GABRG3: variants seen among roughly 807,000 people sequenced by gnomAD.
The protein encoded by GABRG3 is gamma-aminobutyric acid type A receptor subunit gamma3.
In GABRG3, 25 loss-of-function variants were observed where a neutral mutation model predicts 48.8. That is an observed-to-expected ratio of 0.51 (90% CI 0.37 to 0.72). GABRG3 has a LOEUF of 0.72. Among genes scored for constraint, GABRG3 ranks in the 30% least tolerant of loss-of-function variants. GABRG3 has a pLI of 0.00. For synonymous variants in GABRG3, 227 were observed against 217.6 expected, an observed-to-expected ratio of 1.04 and a Z score of -0.38; for missense variants, 394 against 577.9, an observed-to-expected ratio of 0.68 and a Z score of 3.26.
At chr15:27,262,826 TA>T (rs901713117) in intron 3 of GABRG3, among the ~76,000 whole-genome samples, 4 of 152,254 alleles carry the variant, frequency 2.6e-5, no homozygotes, top group African/African-American at 9.6e-5. Flanking sequence ...TACATTTTTT[TA>T]AATCAGCAAA....
intron 3 of GABRG3, among the ~76,000 whole-genome samples, chr15:27,219,402 A>C (rs538404272): frequency 6.6e-6 from 1 of 152,260 alleles, no homozygotes; most frequent in South Asian, 2.1e-4. Flanking sequence ...GATAACCTCC[A>C]TTCCCTTTAT....
intron 3 of GABRG3, among the ~76,000 whole-genome samples, chr15:27,160,257 G>A (rs896100093): frequency 6.6e-6 from 1 of 152,140 alleles, no homozygotes; most frequent in Admixed American, 6.5e-5. Flanking sequence ...CTGCTTGTGG[G>A]TGAGTTCTGG....
At chr15:27,243,255 T>A (rs1890181748) in intron 3 of GABRG3, among the ~76,000 whole-genome samples, 1 of 152,200 alleles carries the variant, frequency 6.6e-6, no homozygotes, top group Non-Finnish European at 1.5e-5. Flanking sequence ...GAAGACACTC[T>A]AATGTTACCA....
chr15:27,433,179 T>C (rs747247194), intron 5 of GABRG3, among the ~76,000 whole-genome samples: 3 of 152,238 alleles, frequency 2.0e-5, no homozygotes, highest in South Asian at 4.1e-4. Context: ...AAAATGCTTC[T>C]AGTTTTTGCC....
At chr15:27,139,236 G>A (rs1233139116) in intron 3 of GABRG3, among the ~76,000 whole-genome samples, 1 of 152,172 alleles carries the variant, frequency 6.6e-6, no homozygotes, top group Admixed American at 6.5e-5. Flanking sequence ...TCAGTCCAAG[G>A]CCGCAGGCTT....
At chr15:27,092,292 T>G (rs547641195) in intron 3 of GABRG3, among the ~76,000 whole-genome samples, 1 of 152,332 alleles carries the variant, frequency 6.6e-6, no homozygotes, top group South Asian at 2.1e-4. Context: ...TCTCCCAGAT[T>G]TGAGTCTTAT....
chr15:27,488,138 C>A (rs1890264560), intron 6 of GABRG3, among the ~76,000 whole-genome samples: 1 of 152,160 alleles, frequency 6.6e-6, no homozygotes, highest in South Asian at 2.1e-4. Context: ...AGCGCTCATG[C>A]CACACTCCCA....
intron 3 of GABRG3, among the ~76,000 whole-genome samples, chr15:27,029,943 T>G (rs1050892794): frequency 4.6e-5 from 7 of 152,208 alleles, no homozygotes; most frequent in Non-Finnish European, 1.0e-4. Context: ...ATAGACCCGC[T>G]ATATCTGTGC....
At chr15:27,210,506 G>GCACACACA (rs1889042404) in intron 3 of GABRG3, among the ~76,000 whole-genome samples, 1 of 152,042 alleles carries the variant, frequency 6.6e-6, no homozygotes, top group African/African-American at 2.4e-5. Context: ...ATGCACACAC[G>GCACACACA]CGTGCTCACA....
intron 3 of GABRG3, among the ~76,000 whole-genome samples, chr15:27,241,027 C>T (rs1890114525): frequency 6.6e-6 from 1 of 152,210 alleles, no homozygotes; most frequent in Non-Finnish European, 1.5e-5. Flanking sequence ...TCCCTTCCTG[C>T]CACCCTCAAC....
intron 3 of GABRG3, among the ~76,000 whole-genome samples, chr15:27,261,480 T>G (rs1007824654): frequency 6.6e-6 from 1 of 151,590 alleles, no homozygotes; most frequent in Non-Finnish European, 1.5e-5. Flanking sequence ...GCAGGGGTGC[T>G]GTTAATCCCC....
chr15:27,060,392 C>G (rs944545306), intron 3 of GABRG3, among the ~76,000 whole-genome samples: 1 of 152,232 alleles, frequency 6.6e-6, no homozygotes, highest in African/African-American at 2.4e-5. Context: ...GCTCCAGAAA[C>G]TGCTCTGGGA....
chr15:27,353,535 C>T (rs1033754131), intron 5 of GABRG3, among the ~76,000 whole-genome samples: 2 of 151,902 alleles, frequency 1.3e-5, no homozygotes, highest in Non-Finnish European at 2.9e-5. Flanking sequence ...CCCCTGCCTC[C>T]GGGGTTCAAG....
In GABRG3 at chr15:27,537,151, G is replaced by C. The variant is rs1891566307; in HGVS notation, c.*4270G>C. ...AAAAAAAAAAAAAAAAAAAAGAATG[G>C]CTTAAGCTCCACATAATCTGATGTA... On this transcript the variant is annotated 3_prime_UTR_variant, in exon 10 of 10. Coordinates refer to ENST00000615808, the MANE Select transcript of GABRG3 (RefSeq NM_033223.5). 1 of 150,586 alleles carries C rather than the reference G, an allele frequency of 6.6e-6. No homozygotes were observed. The highest frequency in any genetic ancestry group is 2.5e-5 in the African/African-American group (1 of 40,734). The allele number at this position is 150,586 out of a possible 1,614,324, so 9.3% of individuals were successfully genotyped here.
chr15:27,264,039 C>A (rs148318383), intron 3 of GABRG3, among the ~76,000 whole-genome samples: 1 of 151,972 alleles, frequency 6.6e-6, no homozygotes, highest in Non-Finnish European at 1.5e-5. Context: ...ATGGGAAGGG[C>A]CGCTCCCTTG....
intron 4 of GABRG3, among the ~76,000 whole-genome samples, chr15:27,328,225 A>G (rs1189962100): frequency 6.6e-6 from 1 of 152,158 alleles, no homozygotes; most frequent in Non-Finnish European, 1.5e-5. Context: ...TTGTAAAGCC[A>G]TACACCGGAG....
At chr15:27,220,198 A>AG (rs1480151051) in intron 3 of GABRG3, among the ~76,000 whole-genome samples, 1 of 152,186 alleles carries the variant, frequency 6.6e-6, no homozygotes, top group East Asian at 1.9e-4. Flanking sequence ...CAACACATGG[A>AG]GGTTGTACAT....
chr15:27,406,208 A>G (rs1332616492), intron 5 of GABRG3, among the ~76,000 whole-genome samples: 1 of 149,196 alleles, frequency 6.7e-6, no homozygotes. Flanking sequence ...ATGATTGAAC[A>G]TATAAATAAA....
intron 3 of GABRG3, among the ~76,000 whole-genome samples, chr15:27,099,082 T>C (rs1897313314): frequency 6.6e-6 from 1 of 151,652 alleles, no homozygotes; most frequent in South Asian, 2.1e-4. Context: ...ACGAAATGAG[T>C]TTTGCCAACA....
Sources: gnomAD v4.1 joint callset for allele counts (sites outside exome capture counted in the v4.1 genomes callset) on GRCh38, gnomAD v4.1.1 for gene constraint, MANE v1.5 for transcripts, NCBI Gene and HGNC (gene_info 2026-07-23, HGNC 2026-07-21) for gene names.